Variants in SPRY3 observed in about 807,000 individuals in gnomAD.
SPRY3 encodes protein sprouty homolog 3.
In SPRY3, 15 loss-of-function variants were observed where a neutral mutation model predicts 20.2. The observed-to-expected ratio is 0.74, with a 90% CI of 0.50 to 1.14. The LOEUF is 1.14. Ranked by LOEUF, SPRY3 falls within the 50% of genes most tolerant of loss-of-function variation. The pLI is 0.00. For missense variants in SPRY3, 364 were observed against 363.9 expected (o/e 1.00, Z 0.00); for synonymous variants, 143 against 136.5 (o/e 1.05, Z -0.33).
At chrX:155,778,780 G>A (rs1326473045), downstream of SPRY3, 1 of 167,006 alleles carries the variant, frequency 6.0e-6, no homozygotes, top group African/African-American at 2.4e-5. Context: ...AGAAAGGGAT[G>A]CACAGAGAGG....
intron 2 of SPRY3, among the ~76,000 whole-genome samples, chrX:155,739,458 G>A (rs775723757): frequency 6.6e-6 from 1 of 152,292 alleles, no homozygotes; most frequent in South Asian, 2.1e-4. Flanking sequence ...CTCAGCCAAA[G>A]GGCAGCCAGA....
intron 1 of SPRY3, among the ~76,000 whole-genome samples, chrX:155,645,178 G>A (rs2067953999): frequency 9.0e-6 from 1 of 111,606 alleles, no homozygotes; most frequent in Non-Finnish European, 1.9e-5. Flanking sequence ...ATCCTACTAT[G>A]GCTGAACTGG....
At chrX:155,682,922 C>T (rs930577564) in intron 2 of SPRY3, among the ~76,000 whole-genome samples, 1 of 111,169 alleles carries the variant, frequency 9.0e-6, no homozygotes, top group Non-Finnish European at 1.9e-5. Context: ...GATTCCAATC[C>T]TCATGATGAC....
chrX:155,690,190 T>C (rs776578691), intron 2 of SPRY3, among the ~76,000 whole-genome samples: 1 of 89,237 alleles, frequency 1.1e-5, no homozygotes, highest in Non-Finnish European at 2.1e-5. Context: ...AGAGTGGTTG[T>C]TATGATTTCA....
intron 2 of SPRY3, among the ~76,000 whole-genome samples, chrX:155,707,577 T>G (rs996323548): frequency 2.6e-5 from 4 of 151,272 alleles, no homozygotes; most frequent in Non-Finnish European, 5.9e-5. Context: ...TGCTGCTTTT[T>G]TCAATTCTTT....
intron 2 of SPRY3, among the ~76,000 whole-genome samples, chrX:155,749,492 G>A (rs1214223032): frequency 1.3e-5 from 2 of 151,754 alleles, no homozygotes; most frequent in Non-Finnish European, 2.9e-5. Flanking sequence ...CAAAGGAAGT[G>A]ATGAGGTGAA....
At chrX:155,729,403 A>G (rs1450960391) in intron 2 of SPRY3, among the ~76,000 whole-genome samples, 1 of 152,138 alleles carries the variant, frequency 6.6e-6, no homozygotes, top group Non-Finnish European at 1.5e-5. Context: ...ATCAATAACA[A>G]AAGGAATTCT....
At chrX:155,673,211 A>AAT (rs2068049056) in intron 2 of SPRY3, among the ~76,000 whole-genome samples, 1 of 108,599 alleles carries the variant, frequency 9.2e-6, no homozygotes, top group African/African-American at 3.3e-5. Flanking sequence ...ACTTAAAGTA[A>AAT]AATAATAAAA....
At chrX:155,721,297 G>A (rs1361506829) in intron 2 of SPRY3, among the ~76,000 whole-genome samples, 1 of 152,048 alleles carries the variant, frequency 6.6e-6, no homozygotes, top group African/African-American at 2.4e-5. Flanking sequence ...ATACTTACAG[G>A]ATCTAGAAAA....
At chrX:155,727,039 G>C (rs1343073410) in intron 2 of SPRY3, among the ~76,000 whole-genome samples, 2 of 152,044 alleles carry the variant, frequency 1.3e-5, no homozygotes, top group African/African-American at 2.4e-5. Context: ...CTCTAAAGGA[G>C]TTTATTTCTC....
intron 2 of SPRY3, among the ~76,000 whole-genome samples, chrX:155,753,128 T>C (rs1016805909): frequency 6.6e-6 from 1 of 152,020 alleles, no homozygotes; most frequent in South Asian, 2.1e-4. Context: ...AAGTCACCCA[T>C]GTAATGTGCA....
intron 2 of SPRY3, among the ~76,000 whole-genome samples, chrX:155,739,260 T>A (rs1376807815): frequency 6.6e-6 from 1 of 152,128 alleles, no homozygotes; most frequent in African/African-American, 2.4e-5. Flanking sequence ...GGGCTCCCTG[T>A]GGGAATTTCA....
intron 2 of SPRY3, among the ~76,000 whole-genome samples, chrX:155,713,056 G>C (rs2090997930): frequency 6.6e-6 from 1 of 151,650 alleles, no homozygotes; most frequent in Non-Finnish European, 1.5e-5. Flanking sequence ...TTGAAAAGTT[G>C]TTTTGGTTAT....
chrX:155,646,094 G>A (rs1257076582), intron 1 of SPRY3, among the ~76,000 whole-genome samples: 3 of 112,205 alleles, frequency 2.7e-5, no homozygotes, highest in Admixed American at 9.5e-5. Flanking sequence ...TCAAACATCA[G>A]TTAATCGACT....
chrX:155,696,526 T>C (rs1158467314), intron 2 of SPRY3, among the ~76,000 whole-genome samples: 1 of 111,846 alleles, frequency 8.9e-6, no homozygotes, highest in Non-Finnish European at 1.9e-5. Flanking sequence ...TTGCATAATC[T>C]TTTCTCTTCT....
downstream of SPRY3, chrX:155,777,604 G>T (rs1244304784): frequency 5.9e-5 from 1 of 16,810 alleles, no homozygotes; most frequent in African/African-American, 1.2e-3. Context: ...ATGGACGTGT[G>T]AGTGAGTGTG....
intron 2 of SPRY3, among the ~76,000 whole-genome samples, chrX:155,663,069 A>C (rs1307235213): frequency 8.9e-6 from 1 of 112,444 alleles, no homozygotes; most frequent in Non-Finnish European, 1.9e-5. Context: ...TCAGAAAAAA[A>C]CTGCTCAGAG....
At chrX:155,647,863 T>A (rs1157451885) in intron 1 of SPRY3, among the ~76,000 whole-genome samples, 3 of 111,952 alleles carry the variant, frequency 2.7e-5, no homozygotes, top group East Asian at 5.6e-4. Flanking sequence ...TGGTTCTAGA[T>A]CATTGAGAAA....
At chrX:155,684,487 A>T (rs2068082246) in intron 2 of SPRY3, among the ~76,000 whole-genome samples, 2 of 111,832 alleles carry the variant, frequency 1.8e-5, no homozygotes, top group African/African-American at 3.2e-5. Flanking sequence ...TATTTTACTA[A>T]TTCAATTGGA....
Sources: allele counts gnomAD v4.1 joint callset (sites outside exome capture counted in the v4.1 genomes callset), GRCh38; gene constraint gnomAD v4.1.1; transcripts MANE v1.5; gene names NCBI Gene and HGNC (gene_info 2026-07-23, HGNC 2026-07-21).